Variants in RIMS1 observed in about 807,000 individuals in gnomAD.
RIMS1 encodes the protein regulating synaptic membrane exocytosis protein 1.
A neutral mutation model predicts 214.1 loss-of-function variants in RIMS1; 83 were observed. The ratio of observed to expected loss-of-function variants is 0.39; its 90% CI spans 0.32 to 0.47. The LOEUF (loss-of-function observed/expected upper bound fraction) is 0.47, where lower values mean the gene tolerates loss of function less well. Among genes scored for constraint, RIMS1 ranks in the 20% least tolerant of loss-of-function variants. The pLI, the probability that RIMS1 is intolerant of heterozygous loss-of-function variation, is 0.99. For synonymous variants in RIMS1, 793 were observed against 786.8 expected (o/e 1.01, Z -0.13); for missense variants, 2,050 against 2,161.8 (o/e 0.95, Z 1.03).
chr6:72,377,565 A>G (rs1382626714), intron 29 of RIMS1, among the ~76,000 whole-genome samples: 2 of 152,178 alleles, frequency 1.3e-5, no homozygotes, highest in African/African-American at 4.8e-5. Context: ...TGAAAGCAAG[A>G]ACAGAGTAGG....
At chr6:72,087,772 A>G (rs543383414) in intron 2 of RIMS1, among the ~76,000 whole-genome samples, 1 of 152,306 alleles carries the variant, frequency 6.6e-6, no homozygotes, top group South Asian at 2.1e-4. Flanking sequence ...CTATTAACAA[A>G]TCTTCAAATA....
intron 2 of RIMS1, among the ~76,000 whole-genome samples, chr6:71,974,954 A>C: frequency 6.6e-6 from 1 of 152,134 alleles, no homozygotes; most frequent in East Asian, 1.9e-4. Context: ...AAGGAATATA[A>C]ACGGGTGATG....
chr6:71,999,313 A>G (rs574414541), intron 2 of RIMS1, among the ~76,000 whole-genome samples: 1 of 152,258 alleles, frequency 6.6e-6, no homozygotes, highest in East Asian at 1.9e-4. Flanking sequence ...AATACTAATG[A>G]TGATGACGAT....
At chr6:72,120,680 G>T (rs996012410) in intron 4 of RIMS1, among the ~76,000 whole-genome samples, 3 of 151,756 alleles carry the variant, frequency 2.0e-5, no homozygotes, top group South Asian at 2.1e-4. Flanking sequence ...GTCTATTTTG[G>T]CTTTTGTTGC....
At chr6:71,961,862 C>T (rs1482567) in intron 1 of RIMS1, among the ~76,000 whole-genome samples, 98,152 of 151,998 alleles carry the variant, frequency 0.65, 31,872 homozygotes, top group Admixed American at 0.73. Context: ...AGGCAGCACA[C>T]GGTTTTTGGA....
At chr6:72,242,678 G>A (rs1022332932) in intron 10 of RIMS1, among the ~76,000 whole-genome samples, 1 of 151,692 alleles carries the variant, frequency 6.6e-6, no homozygotes, top group African/African-American at 2.4e-5. Flanking sequence ...ATATCAATAT[G>A]TACTTTTTGC....
At position 72,401,478 on chromosome 6, in the gene RIMS1, A is replaced by T. The variant is rs2098835052; in HGVS notation, c.*764A>T. On this transcript the variant is annotated 3_prime_UTR_variant, in exon 34 of 34. Coordinates refer to ENST00000521978, the MANE Select transcript of RIMS1 (RefSeq NM_014989.7). ...AAATAATCACAGAAGTACTTTTTTA[A>T]TGAAGAGCCTATCTGTTTGCATTCT... is the stretch of plus-strand genomic sequence containing the variant. The T allele has an allele frequency of 6.5e-6, 1 of 152,736 alleles. No homozygotes were observed. Among genetic ancestry groups the T allele is most frequent in the South Asian group, 2.1e-4 (1 of 4,830 alleles). The allele number at this position is 152,736 out of a possible 1,614,324, so 9.5% of individuals were successfully genotyped here.
intron 29 of RIMS1, among the ~76,000 whole-genome samples, chr6:72,351,885 C>T (rs2097460559): frequency 6.6e-6 from 1 of 152,074 alleles, no homozygotes; most frequent in African/African-American, 2.4e-5. Context: ...TAAGACTAAG[C>T]TGAAGCACAC....
intron 4 of RIMS1, among the ~76,000 whole-genome samples, chr6:72,113,395 T>A (rs2036477984): frequency 6.6e-6 from 1 of 152,180 alleles, no homozygotes; most frequent in South Asian, 2.1e-4. Flanking sequence ...TTATTCTTAT[T>A]TTTATGCTTT....
intron 2 of RIMS1, among the ~76,000 whole-genome samples, chr6:72,038,090 CAAAAAAAAAAAAAA>C (rs869130217): frequency 1.8e-4 from 4 of 22,240 alleles, no homozygotes; most frequent in Admixed American, 2.2e-3. Flanking sequence ...AACAAACAAG[CAAAAAAAAAAAAAA>C]AAAAAAAAAA....
intron 19 of RIMS1, chr6:72,262,849 A>G: frequency 1.5e-6 from 1 of 670,340 alleles, no homozygotes; most frequent in Non-Finnish European, 1.8e-6. Flanking sequence ...ATAAAATCTG[A>G]GGATTTACTA....
chr6:72,208,517 A>G (rs1177747996), intron 6 of RIMS1, among the ~76,000 whole-genome samples: 1 of 152,184 alleles, frequency 6.6e-6, no homozygotes, highest in African/African-American at 2.4e-5. Context: ...TTCTTCTGAC[A>G]TGTTTTTTGT....
intron 31 of RIMS1, among the ~76,000 whole-genome samples, chr6:72,395,726 A>G (rs2098766512): frequency 6.6e-6 from 1 of 152,032 alleles, no homozygotes; most frequent in African/African-American, 2.4e-5. Flanking sequence ...CATTGAAAAT[A>G]TAATGGTTGA....
At chr6:72,377,186 T>C (rs2098405232) in intron 29 of RIMS1, among the ~76,000 whole-genome samples, 1 of 152,198 alleles carries the variant, frequency 6.6e-6, no homozygotes, top group African/African-American at 2.4e-5. Context: ...TGCTGAAACC[T>C]GTCACCCACC....
chr6:72,222,365 T>A (rs2058736133), intron 6 of RIMS1, among the ~76,000 whole-genome samples: 2 of 152,142 alleles, frequency 1.3e-5, no homozygotes, highest in East Asian at 3.9e-4. Context: ...GTGTGGGGAG[T>A]ATTATGCAAA....
chr6:72,117,615 A>G (rs1447960692), intron 4 of RIMS1, among the ~76,000 whole-genome samples: 1 of 152,010 alleles, frequency 6.6e-6, no homozygotes, highest in Non-Finnish European at 1.5e-5. Context: ...AAGCAACTCT[A>G]AAAGGAACCC....
At chr6:72,386,081 T>C (rs2098596889) in intron 29 of RIMS1, among the ~76,000 whole-genome samples, 1 of 152,168 alleles carries the variant, frequency 6.6e-6, no homozygotes, top group South Asian at 2.1e-4. Flanking sequence ...TCAAATGATA[T>C]TTTTCAAGCA....
intron 2 of RIMS1, among the ~76,000 whole-genome samples, chr6:72,038,621 G>T (rs1313439522): frequency 6.6e-6 from 1 of 152,078 alleles, no homozygotes; most frequent in Non-Finnish European, 1.5e-5. Flanking sequence ...GGTTATGAAG[G>T]GGAAAGAATC....
At chr6:72,116,632 G>A (rs1040918918) in intron 4 of RIMS1, among the ~76,000 whole-genome samples, 108 of 151,998 alleles carry the variant, frequency 7.1e-4, no homozygotes, top group Middle Eastern at 3.4e-3. Context: ...TAGGCTTTGT[G>A]AGCTTTACAG....
Sources: allele counts gnomAD v4.1 joint callset (sites outside exome capture counted in the v4.1 genomes callset), GRCh38; gene constraint gnomAD v4.1.1; transcripts MANE v1.5; gene names NCBI Gene and HGNC (gene_info 2026-07-23, HGNC 2026-07-21).